The following FILIP1 variants were observed in gnomAD, a reference collection of about 807,000 sequenced individuals.
The protein encoded by FILIP1 is filamin A interacting protein 1.
In FILIP1, 61 loss-of-function variants were observed where a neutral mutation model predicts 102.1. That is an observed-to-expected ratio of 0.60 (90% confidence interval 0.49 to 0.74). FILIP1 has a LOEUF of 0.74. Ranked by LOEUF, FILIP1 falls within the 30% of genes least tolerant of loss-of-function variation. The pLI is 0.00. For missense variants in FILIP1, 1,314 were observed against 1,441.2 expected (o/e 0.91, Z 1.43); for synonymous variants, 491 against 526.9 (o/e 0.93, Z 0.93).
chr6:75,467,480 T>C (rs1251131513), intron 1 of FILIP1, among the ~76,000 whole-genome samples: 1 of 152,172 alleles, frequency 6.6e-6, no homozygotes, highest in Non-Finnish European at 1.5e-5. Flanking sequence ...CTCGGCTACC[T>C]CCTCAGCTGG....
At chr6:75,400,287 A>G (rs1361838049) in intron 2 of FILIP1, among the ~76,000 whole-genome samples, 1 of 152,216 alleles carries the variant, frequency 6.6e-6, no homozygotes, top group Non-Finnish European at 1.5e-5. Flanking sequence ...TTTAAAAAAG[A>G]AAACCCAGTT....
At chr6:75,296,983 C>A (rs1772699986) in intron 6 of FILIP1, 1 of 152,086 alleles carries the variant, frequency 6.6e-6, no homozygotes, top group Non-Finnish European at 1.5e-5. Context: ...GCTAGGTAGG[C>A]ATGGAACTAC....
chr6:75,402,785 T>C (rs1210863586), intron 2 of FILIP1, among the ~76,000 whole-genome samples: 1 of 152,194 alleles, frequency 6.6e-6, no homozygotes, highest in African/African-American at 2.4e-5. Flanking sequence ...GGTAATATCA[T>C]TGTAAATATT....
chr6:75,442,098 C>T (rs1361694333), intron 1 of FILIP1, among the ~76,000 whole-genome samples: 2 of 152,062 alleles, frequency 1.3e-5, no homozygotes, highest in Admixed American at 6.5e-5. Flanking sequence ...GGCAGAGACG[C>T]TCCTCACCTC....
chr6:75,321,505 A>C (rs1310340018), intron 4 of FILIP1, among the ~76,000 whole-genome samples: 1 of 152,114 alleles, frequency 6.6e-6, no homozygotes, highest in Non-Finnish European at 1.5e-5. Flanking sequence ...ATAGAAATGA[A>C]TGTGATCGGC....
intron 1 of FILIP1, among the ~76,000 whole-genome samples, chr6:75,440,451 G>A (rs1033451664): frequency 1.1e-4 from 17 of 152,254 alleles, no homozygotes; most frequent in Admixed American, 9.2e-4. Flanking sequence ...AGGGCTTATC[G>A]AAGACATTAA....
chr6:75,461,212 T>A (rs1779013950), intron 1 of FILIP1, among the ~76,000 whole-genome samples: 1 of 152,196 alleles, frequency 6.6e-6, no homozygotes, highest in South Asian at 2.1e-4. Context: ...TCTTGCATAA[T>A]CATCAGACCC....
chr6:75,313,938 G>T lies in FILIP1; in HGVS notation c.1894C>A (p.Leu632Ile). 1 of 1,612,246 alleles carries T rather than the reference G, an allele frequency of 6.2e-7. No homozygotes were observed. The highest frequency in any genetic ancestry group is 8.5e-7 in the Non-Finnish European group (1 of 1,179,394). The part of the protein sequence containing the change: ...TCPEDNKIKE[L>I]TLEIERLKKR... ...TTCAGTCTCTCAATTTCAAGTGTTAGTTCCTTAATCTTATTATCTTCCGGG... is the reference window on the plus strand; with the variant it reads ...TTCAGTCTCTCAATTTCAAGTGTTATTTCCTTAATCTTATTATCTTCCGGG... Residue 632 changes from leucine to isoleucine, a missense_variant, in exon 5 of 6, where the codon CTA becomes ATA. By Grantham distance (5) the Leu-to-Ile change is conservative (BLOSUM62 2). Around this residue, in one of 3 missense-constraint regions of FILIP1, gnomAD observed 816 missense variants for 913.1 expected, o/e 0.89. Transcript: ENST00000237172. This position sits in a 1 kb window ranked among gnomAD's most constrained non-coding sequence, Gnocchi z 4.2.
intron 1 of FILIP1, among the ~76,000 whole-genome samples, chr6:75,485,998 TACAC>T (rs71002741): frequency 1.7e-3 from 175 of 100,578 alleles, no homozygotes; most frequent in African/African-American, 4.9e-3. Flanking sequence ...CACACACACA[TACAC>T]ACACACACAC....
chr6:75,476,046 G>C (rs936421163), intron 1 of FILIP1, among the ~76,000 whole-genome samples: 3 of 152,042 alleles, frequency 2.0e-5, no homozygotes, highest in African/African-American at 7.2e-5. Flanking sequence ...TTCGAGACCA[G>C]CCTGGCCAAC....
chr6:75,374,397 G>T (rs1403286804), intron 2 of FILIP1, among the ~76,000 whole-genome samples: 2 of 151,824 alleles, frequency 1.3e-5, no homozygotes, highest in Non-Finnish European at 2.9e-5. Flanking sequence ...TTTATTTTTT[G>T]AGACAGAGTC....
intron 2 of FILIP1, among the ~76,000 whole-genome samples, chr6:75,396,370 C>T (rs554567865): frequency 1.3e-5 from 2 of 152,034 alleles, no homozygotes; most frequent in South Asian, 4.2e-4. Flanking sequence ...AGTTAAGAGT[C>T]TGTTGCAATA....
intron 1 of FILIP1, among the ~76,000 whole-genome samples, chr6:75,438,582 A>T (rs957010366): frequency 5.3e-5 from 8 of 152,204 alleles, no homozygotes; most frequent in Admixed American, 1.3e-4. Flanking sequence ...CAATTAGCAT[A>T]GGGCTTTCAC....
At chr6:75,413,068 C>T (rs185936937) in intron 2 of FILIP1, among the ~76,000 whole-genome samples, 1 of 152,036 alleles carries the variant, frequency 6.6e-6, no homozygotes, top group South Asian at 2.1e-4. Context: ...GGATCTGAAA[C>T]CTTATCTAGC....
intron 4 of FILIP1, among the ~76,000 whole-genome samples, chr6:75,329,934 A>G (rs1188676164): frequency 6.6e-6 from 1 of 152,086 alleles, no homozygotes; most frequent in Non-Finnish European, 1.5e-5. Flanking sequence ...CAATTATAGA[A>G]TGTTACTTCT....
At chr6:75,409,258 T>C (rs763436280) in intron 2 of FILIP1, among the ~76,000 whole-genome samples, 2 of 152,214 alleles carry the variant, frequency 1.3e-5, no homozygotes, top group African/African-American at 2.4e-5. Flanking sequence ...GCTGTGCGAC[T>C]TTGGGCAAGT....
exon 7 of FILIP1, chr6:75,295,881 C>A (rs769404019): frequency 2.6e-5 from 36 of 1,402,404 alleles, no homozygotes; most frequent in African/African-American, 4.5e-5. Flanking sequence ...AGGTCGTACA[C>A]ACACCCAGTA....
chr6:75,479,059 G>A lies in FILIP1; in HGVS notation c.-7+14355C>T, dbSNP rs1318670322. ...TATCAAGATGTACTTGACACTTAAG[G>A]ACTATGCAGCCTTGTTTTAACAACC... On this transcript the variant is annotated intron_variant, in intron 1 of 5. Coordinates refer to ENST00000237172, the MANE Select transcript of FILIP1 (RefSeq NM_015687.5). 2.0e-5 allele frequency among the ~76,000 whole-genome samples: 3 copies of A among 152,110 alleles called. No homozygotes were observed. The East Asian group carries it at 5.8e-4, about 29-fold the overall frequency.
intron 1 of FILIP1, among the ~76,000 whole-genome samples, chr6:75,447,186 T>A (rs551237889): frequency 2.0e-5 from 3 of 152,266 alleles, no homozygotes; most frequent in East Asian, 1.9e-4. Flanking sequence ...AAAGTTTGAG[T>A]GCAAGTAGGG....
Sources: gnomAD v4.1 joint callset for allele counts (sites outside exome capture counted in the v4.1 genomes callset) on GRCh38, gnomAD v4.1.1 for gene constraint, gnomAD v4.1.1 regional missense constraint, Gnocchi (gnomAD v3.1) non-coding constraint, MANE v1.5 for transcripts, NCBI Gene and HGNC (gene_info 2026-07-23, HGNC 2026-07-21) for gene names.